Variants in PDE3A observed in about 807,000 individuals in gnomAD.
PDE3A encodes phosphodiesterase 3A.
PDE3A carries 43 observed loss-of-function variants against 98.3 expected under a neutral mutation model. That is an observed-to-expected ratio of 0.44 (90% CI 0.34 to 0.56). PDE3A has a LOEUF of 0.56. Among genes scored for constraint, PDE3A ranks in the 20% least tolerant of loss-of-function variants. PDE3A has a pLI of 0.01. For missense variants in PDE3A, 1,427 were observed against 1,440.7 expected (o/e 0.99, Z 0.15); for synonymous variants, 663 against 567.9 (o/e 1.17, Z -2.38).
At chr12:20,487,609 C>T (rs1012639618) in intron 1 of PDE3A, among the ~76,000 whole-genome samples, 18 of 149,248 alleles carry the variant, frequency 1.2e-4, no homozygotes, top group East Asian at 3.9e-4. Context: ...GCCAAGATTG[C>T]GCCACTGCAC....
intron 15 of PDE3A, among the ~76,000 whole-genome samples, chr12:20,673,619 A>G (rs1387021371): frequency 2.7e-5 from 4 of 150,560 alleles, no homozygotes; most frequent in Non-Finnish European, 4.4e-5. Context: ...CAAAGACCGC[A>G]TATTCTCACT....
At chr12:20,545,471 A>C (rs1436540196) in intron 1 of PDE3A, among the ~76,000 whole-genome samples, 3 of 152,016 alleles carry the variant, frequency 2.0e-5, no homozygotes, top group Non-Finnish European at 2.9e-5. Context: ...AGTGGATGGA[A>C]TTTAGCTAGT....
intron 15 of PDE3A, among the ~76,000 whole-genome samples, chr12:20,679,379 C>T (rs2120488372): frequency 6.6e-6 from 1 of 152,264 alleles, no homozygotes; most frequent in Non-Finnish European, 1.5e-5. Context: ...TCCTGAGTAG[C>T]TGGGACTACT....
chr12:20,607,870 A>G (rs1943750589), intron 2 of PDE3A, among the ~76,000 whole-genome samples: 1 of 152,170 alleles, frequency 6.6e-6, no homozygotes, highest in South Asian at 2.1e-4. Flanking sequence ...ATATAAACTT[A>G]ACATTTAGTA....
At chr12:20,618,721 G>A (rs992044965) in intron 4 of PDE3A, among the ~76,000 whole-genome samples, 2 of 152,074 alleles carry the variant, frequency 1.3e-5, no homozygotes, top group Non-Finnish European at 2.9e-5. Flanking sequence ...ACAAGTAGGT[G>A]CTTAAAAAAT....
chr12:20,598,562 A>ATGTT (rs1441117103), intron 2 of PDE3A, among the ~76,000 whole-genome samples: 1 of 152,170 alleles, frequency 6.6e-6, no homozygotes, highest in Non-Finnish European at 1.5e-5. Flanking sequence ...GCCCCCTCAA[A>ATGTT]TGTTTACACT....
chr12:20,499,249 C>T (rs546992210), intron 1 of PDE3A, among the ~76,000 whole-genome samples: 26 of 152,232 alleles, frequency 1.7e-4, no homozygotes, highest in African/African-American at 5.5e-4. Flanking sequence ...AACGTTGTGC[C>T]TAAGGTGCAA....
chr12:20,401,813 G>T (rs1421168955), intron 1 of PDE3A, among the ~76,000 whole-genome samples: 1 of 152,106 alleles, frequency 6.6e-6, no homozygotes. Flanking sequence ...ATGTATAATT[G>T]AGCCCACCTC....
intron 2 of PDE3A, chr12:20,572,227 G>T (rs183234645): frequency 6.2e-5 from 46 of 738,266 alleles, no homozygotes; most frequent in Non-Finnish European, 8.9e-5. Flanking sequence ...TATTAGAGAA[G>T]GACAGTTGAA....
intron 1 of PDE3A, among the ~76,000 whole-genome samples, chr12:20,421,507 T>C (rs560692072): frequency 2.4e-4 from 37 of 152,042 alleles, no homozygotes; most frequent in East Asian, 2.3e-3. Context: ...TATGTTGCCA[T>C]CTATCTTAAG....
rs114188300 is a variant in PDE3A at position 20,404,790 on chromosome 12, G to A, written c.960+34546G>A. Among the ~76,000 whole-genome samples the A allele has an allele frequency of 5.1e-3, 764 of 148,884 alleles. 11 individuals carry two copies. The highest frequency in any genetic ancestry group is 0.018 in the African/African-American group (734 of 40,542). On this transcript the variant is annotated intron_variant, in intron 1 of 15. Transcript: ENST00000359062. ...CCTTGAGCTATTGGCCACGTGCCAG[G>A]GACCATTGCCATTCCACACATGTGT...
At chr12:20,648,927 C>A in intron 13 of PDE3A, 36 bp downstream of exon 13, 14 of 902,232 alleles carry the variant, frequency 1.6e-5, no homozygotes, top group Non-Finnish European at 2.1e-5. Context: ...TTTTCTTTTT[C>A]TTTTTTTTTT....
At chr12:20,563,739 G>A (rs1470596049) in intron 2 of PDE3A, among the ~76,000 whole-genome samples, 1 of 152,064 alleles carries the variant, frequency 6.6e-6, no homozygotes, top group Non-Finnish European at 1.5e-5. Context: ...AAATATATTT[G>A]CCTAGGGCCT....
chr12:20,566,857 T>C (rs1942672262), intron 2 of PDE3A, among the ~76,000 whole-genome samples: 1 of 151,978 alleles, frequency 6.6e-6, no homozygotes, highest in South Asian at 2.1e-4. Flanking sequence ...AGGTCTTAAC[T>C]CCACTTTTAC....
chr12:20,381,903 A>C (rs1379252212), intron 1 of PDE3A, among the ~76,000 whole-genome samples: 1 of 151,836 alleles, frequency 6.6e-6, no homozygotes, highest in African/African-American at 2.4e-5. Flanking sequence ...TTCTTATATA[A>C]CTATAATGCC....
chr12:20,483,759 G>C (rs11615734), intron 1 of PDE3A, among the ~76,000 whole-genome samples: 6,695 of 152,160 alleles, frequency 0.044, 210 homozygotes, highest in Non-Finnish European at 0.065. Flanking sequence ...AATTTGGAGG[G>C]AAAGATAAAT....
Position 20,682,356 on chromosome 12 carries a change from C to T in PDE3A, c.*2085C>T, listed in dbSNP as rs2120509814. ...CTGACGTAGTAGAAAGGAATGTTTA[C>T]ATTAAAAATACTTTTGTTTCTCATA... On this transcript the variant is annotated 3_prime_UTR_variant, in exon 16 of 16. Coordinates refer to ENST00000359062, the MANE Select transcript of PDE3A (RefSeq NM_000921.5). 1 of 152,262 alleles carries T rather than the reference C, an allele frequency of 6.6e-6. No individual in the cohort carries two copies. Among genetic ancestry groups the T allele is most frequent in the Admixed American group, 6.5e-5 (1 of 15,286 alleles). 9.4% of individuals were successfully genotyped at this position (152,262 alleles called of 1,614,324 possible).
chr12:20,388,995 C>T (rs1035185854), intron 1 of PDE3A, among the ~76,000 whole-genome samples: 12 of 151,916 alleles, frequency 7.9e-5, no homozygotes, highest in African/African-American at 2.9e-4. Context: ...GTTTCTATAA[C>T]TACTGAGAAA....
rs1946038148 is a variant in PDE3A, at chr12:20,688,365, A to C, written c.*8094A>C. On this transcript the variant is annotated 3_prime_UTR_variant, in exon 16 of 16. Coordinates refer to ENST00000359062, the MANE Select transcript of PDE3A (RefSeq NM_000921.5). ...AAAGTAGAATCTGTACAGAAAAAAA[A>C]CTAGATCAATTGTATTTATTTTTAT... Among the ~76,000 whole-genome samples, 1 of 151,906 alleles carries C rather than the reference A, an allele frequency of 6.6e-6. No individual in the cohort carries two copies. Among genetic ancestry groups the C allele is most frequent in the East Asian group, 1.9e-4 (1 of 5,192 alleles).
Sources: allele counts gnomAD v4.1 joint callset (sites outside exome capture counted in the v4.1 genomes callset), GRCh38; gene constraint gnomAD v4.1.1; transcripts MANE v1.5; gene names NCBI Gene and HGNC (gene_info 2026-07-23, HGNC 2026-07-21).